The following GLIS2 variants were observed in gnomAD, a reference collection of about 807,000 sequenced individuals.
GLIS2 encodes the protein zinc finger protein GLIS2.
GLIS2 carries 14 observed loss-of-function variants against 35.6 expected under a neutral mutation model. The ratio of observed to expected loss-of-function variants is 0.39; its 90% CI spans 0.26 to 0.61. The LOEUF (loss-of-function observed/expected upper bound fraction) is 0.61, where lower values mean the gene tolerates loss of function less well. Ranked by LOEUF, GLIS2 falls within the 20% of genes least tolerant of loss-of-function variation. The probability of loss-of-function intolerance (pLI) is 0.48; values close to 1 mark genes in which losing one functional copy is unlikely to be tolerated. For synonymous variants in GLIS2, 368 were observed against 325.1 expected (o/e 1.13, Z -1.42); for missense variants, 675 against 713.4 (o/e 0.95, Z 0.61).
At chr16:4,330,558 CT>C (rs2053487466) in intron 1 of GLIS2, among the ~76,000 whole-genome samples, 1 of 152,204 alleles carries the variant, frequency 6.6e-6, no homozygotes, top group Non-Finnish European at 1.5e-5. Flanking sequence ...GGTGGGGCCC[CT>C]GGCTGTGCCC....
rs769466452 is a variant in GLIS2 at position 4,334,816 on chromosome 16, C to A, written c.361C>A (p.Arg121Ser). ...VPSASDFQPL[R>S]YLDGVPSSFQ... ...CGCACCCCAGGACTTCCAGCCACTG[C>A]GCTATTTGGATGGTGTCCCCAGCTC... is the stretch of plus-strand genomic sequence containing the variant. Residue 121 changes from arginine (R) to serine (S), a missense_variant, in exon 4 of 7, where the codon CGC becomes AGC. This residue lies in a region of GLIS2 where 225 missense variants were observed against 238.7 expected (regional missense o/e 0.94). Coordinates refer to ENST00000433375, the MANE Select transcript of GLIS2 (RefSeq NM_032575.3). 1 of 1,613,430 alleles carries A rather than the reference C, an allele frequency of 6.2e-7. No individual in the cohort carries two copies. Among genetic ancestry groups the A allele is most frequent in the Admixed American group, 1.7e-5 (1 of 60,004 alleles).
rs995065567 is a variant in GLIS2, at chr16:4,336,956, A to G, written c.1007A>G (p.Lys336Arg). ...CTCCTGCAGCTGCGCCCACCCCCCA[A>G]GCCGCCACTGCCCGCCCCCGACGGC... ...QELLQLRPPPKPPLPAPDGGP... is the reference protein window; with the variant it reads ...QELLQLRPPPRPPLPAPDGGP... The change falls in exon 7 of 7, where the codon AAG becomes AGG. Residue 336 changes from lysine (K) to arginine (R), a missense_variant. By Grantham distance (26) the Lys-to-Arg change is conservative. Coordinates refer to ENST00000433375, the MANE Select transcript of GLIS2 (RefSeq NM_032575.3). The G allele has an allele frequency of 1.2e-6, 2 of 1,611,162 alleles. No homozygotes were observed. Among genetic ancestry groups the G allele is most frequent in the South Asian group, 1.1e-5 (1 of 90,972 alleles).
In GLIS2 at chr16:4,332,081, G is replaced by C; in HGVS notation, c.-66-134G>C. 1.5e-6 allele frequency: 1 copy of C among 686,362 alleles called. No individual in the cohort carries two copies. Among genetic ancestry groups the C allele is most frequent in the Non-Finnish European group, 2.6e-6 (1 of 389,666 alleles). 42.5% of individuals were successfully genotyped at this position (686,362 alleles called of 1,614,324 possible). ...CCCCATGATAGCTGCCGGCCAGGTC[G>C]CTCGGAGGGTCTCCCTACCCAGGAG... On this transcript the variant is annotated intron_variant, in intron 1 of 6. Transcript: ENST00000433375. This position sits in a 1 kb window ranked among gnomAD's most constrained non-coding sequence, Gnocchi z 5.4.
chr16:4,331,936 C>T (rs757882487), intron 1 of GLIS2, among the ~76,000 whole-genome samples: 3 of 152,028 alleles, frequency 2.0e-5, no homozygotes, highest in African/African-American at 7.3e-5. Flanking sequence ...AGTGACAGAG[C>T]GAGACTCTGT....
chr16:4,316,539 G>A (rs531517504), intron 1 of GLIS2, among the ~76,000 whole-genome samples: 119 of 151,910 alleles, frequency 7.8e-4, no homozygotes, highest in African/African-American at 2.8e-3. Context: ...GCCCGGGCCC[G>A]GGGCGGGCGC....
At chr16:4,333,271 G>A in intron 2 of GLIS2, 76 bp from the exon 3 acceptor site, 3 of 1,546,670 alleles carry the variant, frequency 1.9e-6, no homozygotes, top group Non-Finnish European at 2.7e-6. Flanking sequence ...GGTCACAGTG[G>A]GGGTTCGGAG....
At position 4,338,819 on chromosome 16, in the gene GLIS2, C is replaced by A. The variant is rs1031999619; in HGVS notation, c.*1295C>A. Reference sequence around the variant, plus strand: ...AGGGCCTTGTGCCCCAGTCCCATCCCAGGACGCCCTGAGGGATGGACGCAG... The same window carrying A: ...AGGGCCTTGTGCCCCAGTCCCATCCAAGGACGCCCTGAGGGATGGACGCAG... On this transcript the variant is annotated 3_prime_UTR_variant, in exon 7 of 7. Transcript: ENST00000433375. 6.6e-6 allele frequency: 1 copy of A among 152,322 alleles called. No individual in the cohort carries two copies. The highest frequency in any genetic ancestry group is 2.4e-5 in the African/African-American group (1 of 41,466). The allele number at this position is 152,322 out of a possible 1,614,324, so 9.4% of individuals were successfully genotyped here.
chr16:4,325,759 C>A (rs963392271), intron 1 of GLIS2, among the ~76,000 whole-genome samples: 1 of 147,076 alleles, frequency 6.8e-6, no homozygotes, highest in Non-Finnish European at 1.5e-5. Flanking sequence ...GAGACCCCCC[C>A]ATCTCTGCAA....
In GLIS2 at chr16:4,337,101, G is replaced by C; in HGVS notation, c.1152G>C (p.Leu384=). The C allele has an allele frequency of 6.5e-7, 1 of 1,536,644 alleles. No individual in the cohort carries two copies. Among genetic ancestry groups the C allele is most frequent in the Non-Finnish European group, 8.7e-7 (1 of 1,146,624 alleles). Residue 384 remains leucine (L), a synonymous_variant, in exon 7 of 7, where the codon CTG becomes CTC. Transcript: ENST00000433375. ...CCGGCCCCCTTGACCTCAGTGCCCT[G>C]GCCTGTGGCAACGGTGGGGGCAGTG... ...LAPGPLDLSA[L]ACGNGGGSGG... is the part of the protein sequence containing the mutation.
chr16:4,338,074 G>T lies in GLIS2; in HGVS notation c.*550G>T. ...CAGAGGGAAAGCAAGACAGATGCAG[G>T]CCCCTGCAAAGCCCCAGGTAGAAGC... On this transcript the variant is annotated 3_prime_UTR_variant, in exon 7 of 7. Transcript: ENST00000433375. 2 of 178,482 alleles carry T rather than the reference G, an allele frequency of 1.1e-5. 1 individual carries two copies. Among genetic ancestry groups the T allele is most frequent in the South Asian group, 2.6e-4 (2 of 7,730 alleles). The allele number at this position is 178,482 out of a possible 1,614,324, so 11.1% of individuals were successfully genotyped here.
chr16:4,337,854 C>T lies in GLIS2; in HGVS notation c.*330C>T. 6.1e-6 allele frequency: 3 copies of T among 492,788 alleles called. No homozygotes were observed. Among genetic ancestry groups the T allele is most frequent in the Non-Finnish European group, 1.1e-5 (3 of 268,044 alleles). 30.5% of individuals were successfully genotyped at this position (492,788 alleles called of 1,614,324 possible). ...TCTCCCACCCTGGCACCTCCCTCAC[C>T]TAGTGACCACCCATGGCAAGTTGCC... On this transcript the variant is annotated 3_prime_UTR_variant, in exon 7 of 7. Coordinates refer to ENST00000433375, the MANE Select transcript of GLIS2 (RefSeq NM_032575.3).
At chr16:4,321,325 C>T (rs1416778905) in intron 1 of GLIS2, among the ~76,000 whole-genome samples, 1 of 152,348 alleles carries the variant, frequency 6.6e-6, no homozygotes, top group South Asian at 2.1e-4. Flanking sequence ...AGGAGACCAG[C>T]CCCTGCTTCT....
intron 1 of GLIS2, among the ~76,000 whole-genome samples, chr16:4,331,320 G>C: frequency 6.6e-6 from 1 of 152,164 alleles, no homozygotes; most frequent in East Asian, 1.9e-4. Flanking sequence ...TGAGTGATCT[G>C]TGCCTTAAGG....
intron 1 of GLIS2, among the ~76,000 whole-genome samples, chr16:4,318,632 C>T (rs2053341152): frequency 6.6e-6 from 1 of 152,220 alleles, no homozygotes; most frequent in Non-Finnish European, 1.5e-5. Flanking sequence ...AAAGGTCTCC[C>T]AGGGCCCCTT....
chr16:4,336,801 G>A lies in GLIS2; in HGVS notation c.852G>A (p.Thr284=), dbSNP rs779830549. ...YSNSSDRFKH[T]RTHYVDKPYY... is the part of the protein sequence containing the mutation. ...ACTCCAGTGACCGCTTTAAGCACAC[G>A]CGCACCCACTATGTGGACAAGCCCT... The change falls in exon 7 of 7, where the codon ACG becomes ACA. Residue 284 remains threonine (T), a synonymous_variant. Transcript: ENST00000433375. The A allele has an allele frequency of 5.0e-6, 8 of 1,611,820 alleles. No homozygotes were observed. Among genetic ancestry groups the A allele is most frequent in the Admixed American group, 3.3e-5 (2 of 59,864 alleles).
At chr16:4,322,881 A>T (rs1567217863) in intron 1 of GLIS2, among the ~76,000 whole-genome samples, 1 of 152,116 alleles carries the variant, frequency 6.6e-6, no homozygotes, top group Non-Finnish European at 1.5e-5. Flanking sequence ...AGGACTTAGG[A>T]GCTCCTTGTG....
At chr16:4,336,091 C>T (rs1368583632) in intron 6 of GLIS2, 6 of 187,444 alleles carry the variant, frequency 3.2e-5, no homozygotes, top group Non-Finnish European at 6.8e-5. Context: ...CCAGGCAGCA[C>T]TCCCTGTGGC....
At chr16:4,324,454 C>A (rs1312576094) in intron 1 of GLIS2, among the ~76,000 whole-genome samples, 4 of 152,178 alleles carry the variant, frequency 2.6e-5, no homozygotes. Flanking sequence ...TGGTCACTCC[C>A]CAGGATTGAA....
rs527379548 is a variant in GLIS2 at position 4,328,631 on chromosome 16, C to T, written c.-66-3584C>T. ...GGGCTCTGGCCTGCATTGGAATGAA[C>T]CCCTGCCTCCCTGGCAGGACCCAGT... On this transcript the variant is annotated intron_variant, in intron 1 of 6. Coordinates refer to ENST00000433375, the MANE Select transcript of GLIS2 (RefSeq NM_032575.3). Among the ~76,000 whole-genome samples the T allele has an allele frequency of 6.7e-4, 102 of 152,330 alleles. 1 individual carries two copies. In the South Asian group the frequency reaches 0.013, roughly 19 times the overall value.
Sources: allele counts gnomAD v4.1 joint callset (sites outside exome capture counted in the v4.1 genomes callset), GRCh38; gene constraint gnomAD v4.1.1; regional missense constraint gnomAD v4.1.1; non-coding constraint Gnocchi (gnomAD v3.1); transcripts MANE v1.5; gene names NCBI Gene and HGNC (gene_info 2026-07-23, HGNC 2026-07-21).